PEBP4: variants seen among roughly 807,000 people sequenced by gnomAD.
PEBP4 encodes the protein phosphatidylethanolamine-binding protein 4.
PEBP4 carries 22 observed loss-of-function variants against 23.9 expected under a neutral mutation model. The ratio of observed to expected loss-of-function variants is 0.92; its 90% CI spans 0.66 to 1.31. The LOEUF (loss-of-function observed/expected upper bound fraction) is 1.31. Ranked by LOEUF, PEBP4 falls within the 40% of genes most tolerant of loss-of-function variation. The probability of loss-of-function intolerance (pLI) is 0.00; values close to 1 mark genes in which losing one functional copy is unlikely to be tolerated. For missense variants in PEBP4, 324 were observed against 281.7 expected (o/e 1.15, Z -1.07); for synonymous variants, 112 against 99.3 (o/e 1.13, Z -0.76).
At chr8:22,932,002 A>T (rs1334191511), upstream of PEBP4, among the ~76,000 whole-genome samples, 1 of 152,218 alleles carries the variant, frequency 6.6e-6, no homozygotes, top group Admixed American at 6.5e-5. Flanking sequence ...AATTTGGAAC[A>T]GTCCAGTAAT....
chr8:22,882,132 T>A (rs1011597643), intron 3 of PEBP4, among the ~76,000 whole-genome samples: 9 of 152,230 alleles, frequency 5.9e-5, no homozygotes, highest in African/African-American at 2.2e-4. Flanking sequence ...CTTCTCCCTA[T>A]CCTTTCCCCA....
chr8:22,724,029 G>A (rs1341793685), intron 6 of PEBP4, among the ~76,000 whole-genome samples: 1 of 152,230 alleles, frequency 6.6e-6, no homozygotes, highest in African/African-American at 2.4e-5. Flanking sequence ...TGTGCTTCTT[G>A]CACTTCCAGA....
In PEBP4 at chr8:22,817,513, G is replaced by C. The variant is rs570745976; in HGVS notation, c.357+124C>G. 1.1e-4 allele frequency: 91 copies of C among 861,434 alleles called. No homozygotes were observed. In the South Asian group the frequency reaches 1.3e-3, roughly 13 times the overall value. 53.4% of individuals were successfully genotyped at this position (861,434 alleles called of 1,614,324 possible). A position where few individuals can be genotyped will look rare whatever the true frequency, so the allele number is the denominator to read the frequency against. On this transcript the variant is annotated intron_variant, in intron 4 of 6. Transcript: ENST00000256404. Reference sequence around the variant, plus strand: ...GGGAGGGCTTTGATAGCTGAGCACTGGGGGAGATGGGACACAGAAGTCCTC... The same window carrying C: ...GGGAGGGCTTTGATAGCTGAGCACTCGGGGAGATGGGACACAGAAGTCCTC...
At chr8:22,844,466 C>T (rs749179131) in intron 3 of PEBP4, among the ~76,000 whole-genome samples, 3 of 152,174 alleles carry the variant, frequency 2.0e-5, no homozygotes, top group Admixed American at 6.5e-5. Context: ...CTTGAACTCC[C>T]AACCTCAGGT....
At chr8:22,864,924 G>C (rs576932866) in intron 3 of PEBP4, among the ~76,000 whole-genome samples, 9 of 152,334 alleles carry the variant, frequency 5.9e-5, no homozygotes, top group African/African-American at 1.9e-4. Flanking sequence ...GACCCAGGGC[G>C]GGATGGCGGT....
upstream of PEBP4, among the ~76,000 whole-genome samples, chr8:22,932,065 C>G (rs189850596): frequency 1.3e-5 from 2 of 152,228 alleles, no homozygotes; most frequent in African/African-American, 4.8e-5. Flanking sequence ...GTATCCTGTG[C>G]CTTCTACAGA....
At chr8:22,807,960 T>C (rs1212800582) in intron 4 of PEBP4, among the ~76,000 whole-genome samples, 2 of 151,440 alleles carry the variant, frequency 1.3e-5, no homozygotes, top group South Asian at 2.1e-4. Flanking sequence ...CATTCATTCA[T>C]CCATCCGTCT....
intron 1 of PEBP4, among the ~76,000 whole-genome samples, chr8:22,939,108 G>GT (rs1277187159): frequency 3.9e-5 from 6 of 152,014 alleles, no homozygotes; most frequent in East Asian, 1.9e-4. Context: ...AATTTCTTTT[G>GT]TTTTTTTCTC....
intron 3 of PEBP4, among the ~76,000 whole-genome samples, chr8:22,918,816 C>T (rs1266263495): frequency 1.3e-5 from 2 of 152,202 alleles, no homozygotes; most frequent in African/African-American, 4.8e-5. Context: ...TTAGAATCAG[C>T]AGGCTTCCTT....
intron 4 of PEBP4, among the ~76,000 whole-genome samples, chr8:22,767,076 G>A (rs1032109528): frequency 1.3e-5 from 2 of 152,236 alleles, no homozygotes; most frequent in African/African-American, 4.8e-5. Flanking sequence ...ACGAAGGGGT[G>A]TTCCGGATCT....
rs117712838 is a variant in PEBP4, at chr8:22,845,332, G to A, written c.259-27597C>T. Among the ~76,000 whole-genome samples the A allele has an allele frequency of 6.2e-3, 925 of 149,580 alleles. 2 individuals are homozygous for A. The highest frequency in any genetic ancestry group is 0.017 in the Middle Eastern group (5 of 288). On this transcript the variant is annotated intron_variant, in intron 3 of 6. Coordinates refer to ENST00000256404, the MANE Select transcript of PEBP4 (RefSeq NM_144962.3). ...GAGGATCACTTGAGCCCAGGAGTTT[G>A]AGACCAGCCCTGACAACATACCAGG...
intron 4 of PEBP4, among the ~76,000 whole-genome samples, chr8:22,752,810 G>A (rs1380587948): frequency 6.6e-6 from 1 of 152,224 alleles, no homozygotes; most frequent in African/African-American, 2.4e-5. Context: ...CTAGGAAAAG[G>A]GAAGAGGTCG....
intron 4 of PEBP4, among the ~76,000 whole-genome samples, chr8:22,745,176 C>T (rs555085121): frequency 6.6e-6 from 1 of 152,224 alleles, no homozygotes; most frequent in Non-Finnish European, 1.5e-5. Context: ...CTTCCCAGCT[C>T]TCTCCTGGGT....
intron 4 of PEBP4, among the ~76,000 whole-genome samples, chr8:22,787,739 T>C (rs571570225): frequency 6.6e-6 from 1 of 152,162 alleles, no homozygotes; most frequent in African/African-American, 2.4e-5. Flanking sequence ...GCTACGACTA[T>C]GAGTAATTGT....
Position 22,775,246 on chromosome 8 carries a change from A to G in PEBP4, c.357+42391T>C, listed in dbSNP as rs951383735. On this transcript the variant is annotated intron_variant, in intron 4 of 6. Transcript: ENST00000256404. The surrounding 1 kb of genome is among the most constrained non-coding windows in gnomAD (Gnocchi z 4.8). ...TCTACCCGAGAAAGCTGCCTCTCTC[A>G]GCAGCATCTTTCAGGGACCCGGAAG... Among the ~76,000 whole-genome samples, 20 of 152,156 alleles carry G rather than the reference A, an allele frequency of 1.3e-4. No individual in the cohort carries two copies. The highest frequency in any genetic ancestry group is 4.8e-4 in the African/African-American group (20 of 41,432).
intron 4 of PEBP4, among the ~76,000 whole-genome samples, chr8:22,767,775 G>C (rs1805638590): frequency 6.6e-6 from 1 of 151,906 alleles, no homozygotes; most frequent in South Asian, 2.1e-4. Flanking sequence ...TCTTTTTTGA[G>C]ATGGAGTTTG....
intron 4 of PEBP4, among the ~76,000 whole-genome samples, chr8:22,782,901 G>A (rs546327838): frequency 1.3e-4 from 20 of 152,306 alleles, no homozygotes; most frequent in African/African-American, 4.6e-4. Flanking sequence ...GACTCCTGGC[G>A]TTTGCTTCTG....
intron 3 of PEBP4, among the ~76,000 whole-genome samples, chr8:22,837,358 T>C (rs1409756574): frequency 6.6e-6 from 1 of 152,210 alleles, no homozygotes; most frequent in Non-Finnish European, 1.5e-5. Context: ...TAGCGATTGT[T>C]CATTTCCACG....
At chr8:22,825,832 C>T (rs754174870) in intron 3 of PEBP4, among the ~76,000 whole-genome samples, 8 of 152,146 alleles carry the variant, frequency 5.3e-5, no homozygotes, top group African/African-American at 1.2e-4. Flanking sequence ...GTAGTATATC[C>T]GTACAATGGA....
Sources: gnomAD v4.1 joint callset for allele counts (sites outside exome capture counted in the v4.1 genomes callset) on GRCh38, gnomAD v4.1.1 for gene constraint, Gnocchi (gnomAD v3.1) non-coding constraint, MANE v1.5 for transcripts, NCBI Gene and HGNC (gene_info 2026-07-23, HGNC 2026-07-21) for gene names.